USP46: variants seen among roughly 807,000 people sequenced by gnomAD.
USP46 encodes the protein ubiquitin specific peptidase 46.
A neutral mutation model predicts 44.4 loss-of-function variants in USP46; 12 were observed. That is an observed-to-expected ratio of 0.27 (90% CI 0.17 to 0.44). USP46 has a LOEUF of 0.44. USP46 is among the 20% of genes least tolerant of loss of function. USP46 has a pLI of 1.00. For synonymous variants in USP46, 155 were observed against 161.5 expected (o/e 0.96, Z 0.31); for missense variants, 248 against 444.8 (o/e 0.56, Z 3.98).
chr4:52,598,204 T>A (rs1329917154), intron 8 of USP46, among the ~76,000 whole-genome samples: 1 of 152,214 alleles, frequency 6.6e-6, no homozygotes, highest in Non-Finnish European at 1.5e-5. Context: ...TGGTATAATA[T>A]AAAGATTTCC....
At position 52,633,006 on chromosome 4, in the gene USP46, G is replaced by GAAAAGA. The variant is rs200143285; in HGVS notation, c.37-1863_37-1862insTCTTTT. On this transcript the variant is annotated intron_variant, in intron 1 of 8. Coordinates refer to ENST00000441222, the MANE Select transcript of USP46 (RefSeq NM_022832.4). The stretch of plus-strand genomic sequence containing the variant: ...AAAGAAAAGAAAAGAAAGAAAGAAA[G>GAAAAGA]AAAGAAAGAAAGAAAGAAAGAAAAA... Among the ~76,000 whole-genome samples, 19 of 119,020 alleles carry GAAAAGA rather than the reference G, an allele frequency of 1.6e-4. No homozygotes were observed. The East Asian group carries it at 3.5e-3, about 22-fold the overall frequency. 78.1% of individuals were successfully genotyped at this position (119,020 alleles called of 152,430 possible).
At chr4:52,616,616 G>A (rs1371578050) in intron 4 of USP46, among the ~76,000 whole-genome samples, 2 of 151,954 alleles carry the variant, frequency 1.3e-5, no homozygotes, top group South Asian at 2.1e-4. Flanking sequence ...CAGGTGATCC[G>A]CCCGCCTCAG....
At chr4:52,609,894 ATTTCTTTT>A (rs1716863016) in intron 5 of USP46, among the ~76,000 whole-genome samples, 6 of 20,692 alleles carry the variant, frequency 2.9e-4, no homozygotes, top group Admixed American at 1.0e-3. Context: ...CCTCAATTCT[ATTTCTTTT>A]TTTTTTTTTT....
At chr4:52,619,557 T>G (rs1362680122) in intron 4 of USP46, among the ~76,000 whole-genome samples, 2 of 152,234 alleles carry the variant, frequency 1.3e-5, no homozygotes, top group Non-Finnish European at 2.9e-5. Flanking sequence ...CAAAAGAGGC[T>G]CCCTGTTTTT....
chr4:52,658,207 G>A, intron 1 of USP46: 2 of 455,822 alleles, frequency 4.4e-6, no homozygotes, highest in Non-Finnish European at 4.4e-6. Context: ...ACTCCAATCT[G>A]AGCTCCCCAA....
intron 2 of USP46, chr4:52,629,565 C>T (rs974206587): frequency 2.2e-6 from 1 of 456,002 alleles, no homozygotes; most frequent in Non-Finnish European, 4.4e-6. Context: ...ATTTCACCAA[C>T]ACAATGCCCT....
At chr4:52,598,587 C>G in intron 8 of USP46, 41 bp downstream of exon 8, 1 of 1,553,882 alleles carries the variant, frequency 6.4e-7, no homozygotes. Flanking sequence ...CGAAATACTA[C>G]TGATGCTCTA....
chr4:52,599,426 G>A (rs1716371578), intron 7 of USP46, among the ~76,000 whole-genome samples: 1 of 152,124 alleles, frequency 6.6e-6, no homozygotes, highest in African/African-American at 2.4e-5. Context: ...TGAGCGAGGC[G>A]GGGAAGACCA....
At chr4:52,650,725 GATATGAT>G (rs1328746928) in intron 1 of USP46, among the ~76,000 whole-genome samples, 2 of 152,124 alleles carry the variant, frequency 1.3e-5, no homozygotes, top group African/African-American at 2.4e-5. Context: ...CTTCACAGGT[GATATGAT>G]ATAAAGCCAG....
intron 1 of USP46, among the ~76,000 whole-genome samples, chr4:52,657,286 T>C (rs1421565750): frequency 2.0e-5 from 3 of 152,010 alleles, no homozygotes; most frequent in Non-Finnish European, 4.4e-5. Flanking sequence ...CCCCACACCC[T>C]GTCTCCCTGA....
At chr4:52,599,786 A>G (rs572017729) in intron 7 of USP46, among the ~76,000 whole-genome samples, 3 of 152,242 alleles carry the variant, frequency 2.0e-5, no homozygotes, top group East Asian at 3.9e-4. Flanking sequence ...GATGATGGCA[A>G]TGATCTGTTC....
chr4:52,605,220 C>T (rs1239355923), intron 5 of USP46, among the ~76,000 whole-genome samples: 4 of 152,186 alleles, frequency 2.6e-5, no homozygotes, highest in Non-Finnish European at 5.9e-5. Context: ...GCTCCCCCGC[C>T]GGAGGAGATG....
At chr4:52,601,652 C>G (rs180873213) in intron 7 of USP46, among the ~76,000 whole-genome samples, 1 of 152,246 alleles carries the variant, frequency 6.6e-6, no homozygotes, top group Non-Finnish European at 1.5e-5. Context: ...CATGATAGAA[C>G]ATTTAGATTA....
chr4:52,658,851 GGCGGGGGGCGCAGCAGCGCGGCCCCGGGA>G (rs1217074492), intron 1 of USP46, among the ~76,000 whole-genome samples: 64 of 152,148 alleles, frequency 4.2e-4, no homozygotes, highest in African/African-American at 1.4e-3. Flanking sequence ...GCAACCCGAG[GGCGGGGGGCGCAGCAGCGCGGCCCCGGGA>G]TCGCCGGGCG....
In USP46 at chr4:52,659,139, T is replaced by A; in HGVS notation, c.12A>T (p.Arg4=). ...CCATATTACAGATGGAGGCGATGTT[T>A]CGGACAGTCATTAGTCTAAAGGTTG... MTV[R]NIASICNMGT... is the part of the protein sequence containing the mutation. The change falls in exon 1 of 9, where the codon CGA becomes CGT. Residue 4 remains arginine, a synonymous_variant. Coordinates refer to ENST00000441222, the MANE Select transcript of USP46 (RefSeq NM_022832.4). This position sits in a 1 kb window ranked among gnomAD's most constrained non-coding sequence, Gnocchi z 4.2. 6.4e-7 allele frequency: 1 copy of A among 1,569,936 alleles called. No individual in the cohort carries two copies. Among genetic ancestry groups the A allele is most frequent in the Non-Finnish European group, 8.6e-7 (1 of 1,159,284 alleles).
chr4:52,634,183 G>A (rs1185098182), intron 1 of USP46, among the ~76,000 whole-genome samples: 3 of 148,790 alleles, frequency 2.0e-5, no homozygotes, highest in Non-Finnish European at 3.0e-5. Context: ...GCTTGATCTC[G>A]GCTCACTGCA....
At chr4:52,623,769 T>C (rs940056413) in intron 4 of USP46, among the ~76,000 whole-genome samples, 7 of 151,672 alleles carry the variant, frequency 4.6e-5, no homozygotes, top group African/African-American at 7.3e-5. Flanking sequence ...CTACTAAAAA[T>C]ACAAGAGTTA....
chr4:52,629,618 T>G (rs1024535944), intron 2 of USP46: 2 of 456,180 alleles, frequency 4.4e-6, no homozygotes, highest in Non-Finnish European at 8.8e-6. Flanking sequence ...TTTTCCTCTC[T>G]TACTCAGTAT....
intron 1 of USP46, among the ~76,000 whole-genome samples, chr4:52,635,779 T>A (rs920503905): frequency 6.6e-6 from 1 of 152,102 alleles, no homozygotes; most frequent in African/African-American, 2.4e-5. Context: ...CACTTCCCCC[T>A]CAGAGCTAAA....
Sources: allele counts gnomAD v4.1 joint callset (sites outside exome capture counted in the v4.1 genomes callset), GRCh38; gene constraint gnomAD v4.1.1; non-coding constraint Gnocchi (gnomAD v3.1); transcripts MANE v1.5; gene names NCBI Gene and HGNC (gene_info 2026-07-23, HGNC 2026-07-21).